Variants in UMAD1 observed in about 807,000 individuals in gnomAD.
The protein encoded by UMAD1 is UBAP1-MVB12-associated (UMA) domain containing 1.
In UMAD1, 8 loss-of-function variants were observed where a neutral mutation model predicts 6.1. That is an observed-to-expected ratio of 1.30 (90% CI 0.76 to 2.35). The LOEUF is 2.35. Among genes scored for constraint, UMAD1 ranks in the 30% most tolerant of loss-of-function variants. The probability of loss-of-function intolerance (pLI) is 0.00; values close to 1 mark genes in which losing one functional copy is unlikely to be tolerated. For synonymous variants in UMAD1, 56 were observed against 31.4 expected (o/e 1.78, Z -2.61); for missense variants, 130 against 78.4 (o/e 1.66, Z -2.49).
intron 2 of UMAD1, among the ~76,000 whole-genome samples, chr7:7,715,860 C>A (rs7456324): frequency 0.083 from 12,624 of 152,120 alleles, 619 homozygotes; most frequent in Non-Finnish European, 0.098. Flanking sequence ...AAAATAGTAT[C>A]GTGATAGCAT....
chr7:7,707,638 G>T (rs906673575), intron 2 of UMAD1, among the ~76,000 whole-genome samples: 1 of 152,012 alleles, frequency 6.6e-6, no homozygotes, highest in African/African-American at 2.4e-5. Flanking sequence ...TGATATTTTG[G>T]AATTTAAAAA....
intron 1 of UMAD1, among the ~76,000 whole-genome samples, chr7:7,663,009 A>G (rs569180612): frequency 1.2e-5 from 1 of 84,200 alleles, no homozygotes; most frequent in East Asian, 7.7e-4. Context: ...AGTGCTTTGA[A>G]AAAGCCTTTT....
chr7:7,762,289 T>G (rs1781906309), intron 2 of UMAD1, among the ~76,000 whole-genome samples: 1 of 152,112 alleles, frequency 6.6e-6, no homozygotes, highest in African/African-American at 2.4e-5. Flanking sequence ...GCTTCTAACT[T>G]GGGAAGTATG....
chr7:7,773,230 C>T (rs1047160575), intron 2 of UMAD1, among the ~76,000 whole-genome samples: 2 of 152,284 alleles, frequency 1.3e-5, no homozygotes, highest in Admixed American at 1.3e-4. Context: ...AGTTGTGAGG[C>T]TGCTTTTTAG....
intron 3 of UMAD1, among the ~76,000 whole-genome samples, chr7:7,847,064 A>C (rs1453374315): frequency 2.1e-5 from 1 of 48,154 alleles, no homozygotes; most frequent in African/African-American, 4.2e-5. Flanking sequence ...AATAAAAAAA[A>C]AAAAAAAAAA....
At chr7:7,685,435 G>A (rs1165074923) in intron 2 of UMAD1, among the ~76,000 whole-genome samples, 2 of 150,892 alleles carry the variant, frequency 1.3e-5, no homozygotes, top group African/African-American at 4.9e-5. Context: ...TCAGCCTTCC[G>A]AGTAGCTGGG....
chr7:7,831,729 C>T (rs540753135), intron 3 of UMAD1, among the ~76,000 whole-genome samples: 3 of 152,146 alleles, frequency 2.0e-5, no homozygotes, highest in East Asian at 1.9e-4. Context: ...TTTCATACCT[C>T]GTGGGAGTAT....
Position 7,864,319 on chromosome 7 carries a change from C to G in UMAD1, c.157-12962C>G, listed in dbSNP as rs567600465. Among the ~76,000 whole-genome samples the G allele has an allele frequency of 2.0e-5, 3 of 152,182 alleles. No homozygotes were observed. In the East Asian group the frequency reaches 5.8e-4, roughly 29 times the overall value. On this transcript the variant is annotated intron_variant, in intron 3 of 3. Transcript: ENST00000682710. ...TAGTAAACACTGAAATAAATGTGAGCTCTACATTTAGAAATATTAATAAAG... is the reference window on the plus strand; with the variant it reads ...TAGTAAACACTGAAATAAATGTGAGGTCTACATTTAGAAATATTAATAAAG...
Position 7,705,018 on chromosome 7 carries a change from A to G in UMAD1, c.82+31565A>G, listed in dbSNP as rs539874819. 5.3e-5 allele frequency among the ~76,000 whole-genome samples: 8 copies of G among 152,300 alleles called. 1 individual carries two copies. Among genetic ancestry groups the G allele is most frequent in the African/African-American group, 1.9e-4 (8 of 41,582 alleles). On this transcript the variant is annotated intron_variant, in intron 2 of 3. Transcript: ENST00000682710. The stretch of plus-strand genomic sequence containing the variant: ...AGAGGAAGGGCGCTGATTGTGAACC[A>G]TGGTGCTTCTTGGCATCTGTAACAC...
At chr7:7,658,952 G>T (rs1241707521) in intron 1 of UMAD1, among the ~76,000 whole-genome samples, 1 of 152,056 alleles carries the variant, frequency 6.6e-6, no homozygotes, top group African/African-American at 2.4e-5. Context: ...TTTTTGGTTG[G>T]TAGGCTATTA....
chr7:7,759,950 G>T (rs955543181), intron 2 of UMAD1, among the ~76,000 whole-genome samples: 3 of 152,104 alleles, frequency 2.0e-5, no homozygotes, highest in Non-Finnish European at 4.4e-5. Context: ...TTGAAAAGTT[G>T]TGTCGACGCC....
At chr7:7,789,420 A>G (rs1040182070) in intron 2 of UMAD1, among the ~76,000 whole-genome samples, 1 of 151,858 alleles carries the variant, frequency 6.6e-6, no homozygotes, top group Non-Finnish European at 1.5e-5. Context: ...AAAAAGTACC[A>G]ATTTATTGTT....
chr7:7,650,776 C>T (rs958348036), intron 1 of UMAD1, among the ~76,000 whole-genome samples: 1 of 152,208 alleles, frequency 6.6e-6, no homozygotes, highest in Non-Finnish European at 1.5e-5. Context: ...GATCACTCTC[C>T]ATCCAGTGAT....
chr7:7,784,367 G>C (rs1782416423), intron 2 of UMAD1, among the ~76,000 whole-genome samples: 2 of 137,520 alleles, frequency 1.5e-5, no homozygotes, highest in African/African-American at 2.7e-5. Flanking sequence ...ACAGAGTCTT[G>C]CTCTGTCACC....
intron 2 of UMAD1, among the ~76,000 whole-genome samples, chr7:7,676,399 G>A (rs1330240378): frequency 4.6e-5 from 7 of 152,204 alleles, no homozygotes. Flanking sequence ...AGTTTCTCCA[G>A]TTAGTATGTA....
chr7:7,711,153 A>G (rs908270233), intron 2 of UMAD1, among the ~76,000 whole-genome samples: 7 of 152,194 alleles, frequency 4.6e-5, no homozygotes, highest in African/African-American at 1.7e-4. Context: ...TGGTTGTGGT[A>G]TTGAACTATA....
intron 1 of UMAD1, among the ~76,000 whole-genome samples, chr7:7,645,817 A>ATT (rs34158584): frequency 0.04 from 5,839 of 145,442 alleles, 354 homozygotes; most frequent in African/African-American, 0.14. Flanking sequence ...TTTGTTTAGG[A>ATT]TTTTTTTTTT....
At chr7:7,682,001 A>T (rs1779924932) in intron 2 of UMAD1, among the ~76,000 whole-genome samples, 2 of 152,294 alleles carry the variant, frequency 1.3e-5, no homozygotes, top group South Asian at 4.1e-4. Context: ...CAATTTAGAT[A>T]TTGTTGTTGG....
chr7:7,876,974 A>G (rs544955843), intron 3 of UMAD1, among the ~76,000 whole-genome samples: 1 of 152,228 alleles, frequency 6.6e-6, no homozygotes, highest in Non-Finnish European at 1.5e-5. Context: ...GAAAACGTAC[A>G]TAGGATTTGG....
Sources: allele counts gnomAD v4.1 joint callset (sites outside exome capture counted in the v4.1 genomes callset), GRCh38; gene constraint gnomAD v4.1.1; transcripts MANE v1.5; gene names NCBI Gene and HGNC (gene_info 2026-07-23, HGNC 2026-07-21).